PRPF8: variants seen among roughly 807,000 people sequenced by gnomAD.
The protein encoded by PRPF8 is pre-mRNA processing factor 8.
A neutral mutation model predicts 285.9 loss-of-function variants in PRPF8; 64 were observed. The ratio of observed to expected loss-of-function variants is 0.22; its 90% CI spans 0.18 to 0.28. The LOEUF (loss-of-function observed/expected upper bound fraction) is 0.28. Ranked by LOEUF, PRPF8 falls within the 10% of genes least tolerant of loss-of-function variation. The pLI is 1.00. For missense variants in PRPF8, 1,426 were observed against 3,026.7 expected (o/e 0.47, Z 12.41); for synonymous variants, 1,325 against 1,118.2 (o/e 1.18, Z -3.69).
Position 1,656,480 on chromosome 17 carries a change from A to T in PRPF8, c.5705T>A (p.Phe1902Tyr). ...PFQACLKVEK[F>Y]GDLILKATEP... The stretch of plus-strand genomic sequence containing the variant: ...AGTGGCTTTAAGGATGAGATCCCCG[A>T]ATTTTTCCACCTTGAGACACGCCTG... Residue 1902 changes from phenylalanine to tyrosine, a missense_variant, in exon 36 of 43, where the codon TTC becomes TAC. This residue lies in a region of PRPF8 where 29 missense variants were observed against 86.4 expected (regional missense o/e 0.34). Coordinates refer to ENST00000304992, the MANE Select transcript of PRPF8 (RefSeq NM_006445.4). 1 of 1,614,092 alleles carries T rather than the reference A, an allele frequency of 6.2e-7. No homozygotes were observed. The highest frequency in any genetic ancestry group is 8.5e-7 in the Non-Finnish European group (1 of 1,180,020).
Position 1,675,352 on chromosome 17 carries a change from A to G in PRPF8, c.2873-13T>C, listed in dbSNP as rs57276551. ...AGGTTATTGATGCCTGAGGAGTAGC[A>G]AGGCAGGTCTCCAGCAGGTTAGAAA... On this transcript the variant is annotated splice_polypyrimidine_tract_variant and intron_variant, in intron 19 of 42. Transcript: ENST00000304992. The surrounding 1 kb of genome is among the most constrained non-coding windows in gnomAD (Gnocchi z 6.0). The G allele has an allele frequency of 3.2e-3, 5,186 of 1,613,980 alleles. 168 individuals are homozygous for G. In the African/African-American group the frequency reaches 0.061, roughly 19 times the overall value.
At chr17:1,663,582 G>C (rs994369900) in intron 24 of PRPF8, among the ~76,000 whole-genome samples, 1 of 151,510 alleles carries the variant, frequency 6.6e-6, no homozygotes, top group African/African-American at 2.4e-5. Flanking sequence ...GGTGGCACGC[G>C]CCTGTAGTCT....
At chr17:1,655,604 C>T (rs906183831) in intron 36 of PRPF8, 61 bp from the exon 37 acceptor site, 41 of 1,439,604 alleles carry the variant, frequency 2.8e-5, no homozygotes, top group Non-Finnish European at 3.7e-5. Context: ...CACTTTAATC[C>T]TAACCTTTCA....
chr17:1,656,274 G>C (rs1295539217), intron 36 of PRPF8, 118 bp downstream of exon 36: 1 of 1,295,862 alleles, frequency 7.7e-7, no homozygotes, highest in African/African-American at 1.5e-5. Flanking sequence ...AAAGTCAACA[G>C]AGTTCCCACC....
In PRPF8 at chr17:1,675,037, T is replaced by A. The variant is rs745921154; in HGVS notation, c.3060+115A>T. 67 of 1,253,446 alleles carry A rather than the reference T, an allele frequency of 5.3e-5. No homozygotes were observed. Among genetic ancestry groups the A allele is most frequent in the Non-Finnish European group, 7.6e-5 (66 of 873,616 alleles). 77.6% of individuals were successfully genotyped at this position (1,253,446 alleles called of 1,614,324 possible). ...ATCTGCCCGCCTCAGCCTCCCAAAG[T>A]GCTGGGATTACAGGCATGAGCCACC... On this transcript the variant is annotated intron_variant, in intron 20 of 42. Coordinates refer to ENST00000304992, the MANE Select transcript of PRPF8 (RefSeq NM_006445.4). The surrounding 1 kb of genome is among the most constrained non-coding windows in gnomAD (Gnocchi z 6.0).
rs1473057575 is a variant in PRPF8, at chr17:1,684,833, A to G, written c.-65T>C. 2.2e-5 allele frequency: 13 copies of G among 596,460 alleles called. No individual in the cohort carries two copies. The highest frequency in any genetic ancestry group is 9.3e-5 in the African/African-American group (5 of 53,690). 36.9% of individuals were successfully genotyped at this position (596,460 alleles called of 1,614,324 possible). A position where few individuals can be genotyped will look rare whatever the true frequency, so the allele number is the denominator to read the frequency against. Reference sequence around the variant, plus strand: ...TTCCCCGCAGCGCAATGGCGGCCAGACTGCGTCCGCTCCGCGTTCCCAGCG... The same window carrying G: ...TTCCCCGCAGCGCAATGGCGGCCAGGCTGCGTCCGCTCCGCGTTCCCAGCG... On this transcript the variant is annotated 5_prime_UTR_variant, in exon 1 of 43. Transcript: ENST00000304992.
chr17:1,666,560 A>T (rs916746433), intron 24 of PRPF8, among the ~76,000 whole-genome samples: 4 of 152,130 alleles, frequency 2.6e-5, no homozygotes, highest in Non-Finnish European at 4.4e-5. Flanking sequence ...AAAAAAAAAA[A>T]TCAATGCAAC....
At position 1,662,112 on chromosome 17, in the gene PRPF8, T is replaced by C. The variant is rs1911702394; in HGVS notation, c.3816A>G (p.Thr1272=). Residue 1272 remains threonine, a synonymous_variant, in exon 25 of 43, where the codon ACA becomes ACG. Coordinates refer to ENST00000304992, the MANE Select transcript of PRPF8 (RefSeq NM_006445.4). ...KWNTALIGLM[T]YFREAVVNTQ... is the part of the protein sequence containing the mutation. ...TGTTCACCACAGCCTCCCGAAAGTA[T>C]GTCATAAGGCCAATGAGAGCTGTAT... 2 of 1,614,110 alleles carry C rather than the reference T, an allele frequency of 1.2e-6. No homozygotes were observed. The highest frequency in any genetic ancestry group is 4.5e-5 in the East Asian group (2 of 44,880).
rs780808836 is a variant in PRPF8, at chr17:1,653,788, C to T, written c.6216G>A (p.Glu2072=). The stretch of plus-strand genomic sequence containing the variant: ...TTGCCCGACAGTACCTGACCCTCCA[C>T]TCAGTCTTGGATGAGAAAGTCTGGG... ...YETQTFSSKT[E]WRVRAISAAN... is the part of the protein sequence containing the mutation. The change falls in exon 38 of 43, where the codon GAG becomes GAA. Residue 2072 remains glutamate (E), a synonymous_variant. Coordinates refer to ENST00000304992, the MANE Select transcript of PRPF8 (RefSeq NM_006445.4). This position sits in a 1 kb window ranked among gnomAD's most constrained non-coding sequence, Gnocchi z 4.9. 48 of 1,614,184 alleles carry T rather than the reference C, an allele frequency of 3.0e-5. 1 individual carries two copies. The South Asian group carries it at 4.3e-4, about 14-fold the overall frequency.
Position 1,676,465 on chromosome 17 carries a change from C to G in PRPF8, c.2388+40G>C. On this transcript the variant is annotated intron_variant, in intron 16 of 42. Transcript: ENST00000304992. This position sits in a 1 kb window ranked among gnomAD's most constrained non-coding sequence, Gnocchi z 6.3. Reference sequence around the variant, plus strand: ...TCTACAGTCCTCCCTCTTGCCCACTCCCCCACCACTCACACCCAGCCCAGC... The same window carrying G: ...TCTACAGTCCTCCCTCTTGCCCACTGCCCCACCACTCACACCCAGCCCAGC... 1 of 1,613,894 alleles carries G rather than the reference C, an allele frequency of 6.2e-7. No individual in the cohort carries two copies.
chr17:1,656,350 C>T, intron 36 of PRPF8, 42 bp downstream of exon 36: 1 of 1,613,058 alleles, frequency 6.2e-7, no homozygotes, highest in Non-Finnish European at 8.5e-7. Flanking sequence ...TAACCCTAAA[C>T]CCGCTCCTCC....
Position 1,674,828 on chromosome 17 carries a change from C to A in PRPF8, c.3061-148G>T, listed in dbSNP as rs8066413. The A allele has an allele frequency of 5.9e-6, 5 of 853,784 alleles. No homozygotes were observed. In the Admixed American group the frequency reaches 9.2e-5, roughly 16 times the overall value. The allele number at this position is 853,784 out of a possible 1,614,324, so 52.9% of individuals were successfully genotyped here. On this transcript the variant is annotated intron_variant, in intron 20 of 42. Coordinates refer to ENST00000304992, the MANE Select transcript of PRPF8 (RefSeq NM_006445.4). ...CTCAGTCACCCAGGCTGAGAGTGCA[C>A]TGGCGCAATCTCAGCTCACTGCAAC...
chr17:1,668,360 T>TG (rs1298870387), intron 24 of PRPF8, among the ~76,000 whole-genome samples: 4,253 of 135,522 alleles, frequency 0.031, 90 homozygotes, highest in Middle Eastern at 0.05. Context: ...CATTCTTTTT[T>TG]TTTTTTTTTT....
intron 24 of PRPF8, among the ~76,000 whole-genome samples, chr17:1,668,517 G>A (rs923408570): frequency 7.3e-5 from 11 of 151,594 alleles, no homozygotes; most frequent in African/African-American, 1.5e-4. Context: ...CGCCCGCCAC[G>A]ACATCCAGCT....
intron 24 of PRPF8, 159 bp downstream of exon 24, chr17:1,672,922 A>C: frequency 1.4e-6 from 1 of 730,468 alleles, no homozygotes; most frequent in Non-Finnish European, 2.5e-6. Flanking sequence ...CGATGAAGTG[A>C]CCTGACATAC....
In PRPF8 at chr17:1,680,712, C is replaced by G. The variant is rs749500840; in HGVS notation, c.1098+14G>C. The G allele has an allele frequency of 1.9e-6, 3 of 1,595,570 alleles. No individual in the cohort carries two copies. The Admixed American group carries it at 5.0e-5, about 27-fold the overall frequency. ...CTAGAAGAGCTGAGGGAAAGCATCC[C>G]TTCCCTTCCTCACCTTGACTGAGTG... is the stretch of plus-strand genomic sequence containing the variant. On this transcript the variant is annotated intron_variant, in intron 8 of 42. Coordinates refer to ENST00000304992, the MANE Select transcript of PRPF8 (RefSeq NM_006445.4).
chr17:1,684,463 T>A lies in PRPF8; in HGVS notation c.100+9A>T, dbSNP rs756421798. 1.9e-6 allele frequency: 3 copies of A among 1,612,164 alleles called. No individual in the cohort carries two copies. The highest frequency in any genetic ancestry group is 2.5e-6 in the Non-Finnish European group (3 of 1,179,592). ...CCGGCCCGCGCGCCGCTCCACACTCTCGCCTCACCTTTCTCCTGCAGCTTC... is the reference window on the plus strand; with the variant it reads ...CCGGCCCGCGCGCCGCTCCACACTCACGCCTCACCTTTCTCCTGCAGCTTC... On this transcript the variant is annotated intron_variant, in intron 2 of 42. Coordinates refer to ENST00000304992, the MANE Select transcript of PRPF8 (RefSeq NM_006445.4).
intron 24 of PRPF8, among the ~76,000 whole-genome samples, chr17:1,663,270 G>A (rs1176520081): frequency 6.6e-6 from 1 of 151,726 alleles, no homozygotes; most frequent in African/African-American, 2.4e-5. Context: ...TTCAGAAGAA[G>A]GCAGGACAAG....
chr17:1,654,690 G>A (rs1358759119), intron 37 of PRPF8: 3 of 170,470 alleles, frequency 1.8e-5, no homozygotes, highest in Admixed American at 1.1e-4. Context: ...GGAGTACAGT[G>A]GCATCATCAT....
Sources: allele counts gnomAD v4.1 joint callset (sites outside exome capture counted in the v4.1 genomes callset), GRCh38; gene constraint gnomAD v4.1.1; regional missense constraint gnomAD v4.1.1; non-coding constraint Gnocchi (gnomAD v3.1); transcripts MANE v1.5; gene names NCBI Gene and HGNC (gene_info 2026-07-23, HGNC 2026-07-21).